Variants in EP400 observed in about 807,000 individuals in gnomAD.
The protein encoded by EP400 is E1A binding protein p400.
A neutral mutation model predicts 354.1 loss-of-function variants in EP400; 105 were observed. That is an observed-to-expected ratio of 0.30 (90% CI 0.25 to 0.35). EP400 has a LOEUF of 0.35. EP400 is among the 10% of genes least tolerant of loss of function. The pLI is 1.00. For missense variants in EP400, 3,280 were observed against 4,121.0 expected, an observed-to-expected ratio of 0.80 and a Z score of 5.59; for synonymous variants, 1,646 against 1,716.9, an observed-to-expected ratio of 0.96 and a Z score of 1.02.
chr12:132,050,575 G>T lies in EP400; in HGVS notation c.7338-24G>T. On this transcript the variant is annotated intron_variant, in intron 40 of 52. Transcript: ENST00000389561. This position sits in a 1 kb window ranked among gnomAD's most constrained non-coding sequence, Gnocchi z 4.8. Reference sequence around the variant, plus strand: ...CAGATATTTCCTTTATTTAATAATTGCTGTCTCACTGTCTATACTTCAGGC... The same window carrying T: ...CAGATATTTCCTTTATTTAATAATTTCTGTCTCACTGTCTATACTTCAGGC... The T allele has an allele frequency of 6.2e-7, 1 of 1,614,004 alleles. No individual in the cohort carries two copies. Among genetic ancestry groups the T allele is most frequent in the Non-Finnish European group, 8.5e-7 (1 of 1,179,914 alleles).
At chr12:131,957,450 T>A (rs190772472) in intron 1 of EP400, among the ~76,000 whole-genome samples, 31 of 151,592 alleles carry the variant, frequency 2.0e-4, no homozygotes, top group African/African-American at 7.5e-4. Flanking sequence ...CACTTTTGTG[T>A]TCGGTTTTTT....
At chr12:131,972,059 G>C (rs1208243331) in intron 2 of EP400, among the ~76,000 whole-genome samples, 1 of 152,064 alleles carries the variant, frequency 6.6e-6, no homozygotes, top group African/African-American at 2.4e-5. Flanking sequence ...GGTGACAGTG[G>C]ATGTCTAAGA....
Position 132,044,828 on chromosome 12 carries a change from A to T in EP400, c.6659A>T (p.Asp2220Val). 1 of 1,614,102 alleles carries T rather than the reference A, an allele frequency of 6.2e-7. No individual in the cohort carries two copies. Among genetic ancestry groups the T allele is most frequent in the Non-Finnish European group, 8.5e-7 (1 of 1,180,006 alleles). Residue 2220 changes from aspartate to valine, a missense_variant, in exon 37 of 53, where the codon GAC becomes GTC. Coordinates refer to ENST00000389561, the MANE Select transcript of EP400 (RefSeq NM_015409.5). Reference sequence around the variant, plus strand: ...TGGACCCCACCCACCCCGCCGCAGGACGACAGCGACATCTACCTCGACTCG... The same window carrying T: ...TGGACCCCACCCACCCCGCCGCAGGTCGACAGCGACATCTACCTCGACTCG... Reference protein sequence around the residue: ...PLWTPPTPPQDDSDIYLDSVM... With the variant: ...PLWTPPTPPQVDSDIYLDSVM...
intron 32 of EP400, among the ~76,000 whole-genome samples, chr12:132,039,492 G>A (rs2136569866): frequency 6.6e-6 from 1 of 152,212 alleles, no homozygotes; most frequent in Admixed American, 6.5e-5. Flanking sequence ...CCCAGCCCCA[G>A]AGCGTTTCTA....
At chr12:131,969,747 A>G (rs1892226508) in intron 2 of EP400, among the ~76,000 whole-genome samples, 1 of 152,170 alleles carries the variant, frequency 6.6e-6, no homozygotes, top group Admixed American at 6.5e-5. Context: ...AATGGGTTTT[A>G]TACAATTGAA....
chr12:132,064,449 A>G (rs1895819672), intron 47 of EP400, among the ~76,000 whole-genome samples: 1 of 152,226 alleles, frequency 6.6e-6, no homozygotes, highest in Admixed American at 6.5e-5. Context: ...ATCAGTCAGA[A>G]TCCGTGTTTG....
chr12:131,952,259 C>T (rs1416401395), intron 1 of EP400, among the ~76,000 whole-genome samples: 5 of 138,602 alleles, frequency 3.6e-5, no homozygotes, highest in East Asian at 2.2e-4. Context: ...GCGGAGATTG[C>T]GCCACTGCAC....
At chr12:132,063,609 T>A (rs1895780964) in intron 47 of EP400, among the ~76,000 whole-genome samples, 1 of 152,180 alleles carries the variant, frequency 6.6e-6, no homozygotes, top group South Asian at 2.1e-4. Context: ...GACAATATTT[T>A]GAAGTTTCAG....
intron 30 of EP400, among the ~76,000 whole-genome samples, chr12:132,032,410 A>G (rs1416032906): frequency 6.6e-6 from 1 of 152,114 alleles, no homozygotes; most frequent in East Asian, 1.9e-4. Flanking sequence ...TATACTCAAC[A>G]TTTGCTTGAA....
chr12:131,992,133 T>G (rs1295688407), intron 10 of EP400, 40 bp from the exon 11 acceptor site: 1 of 1,596,286 alleles, frequency 6.3e-7, no homozygotes, highest in Admixed American at 1.7e-5. Flanking sequence ...TTCTGAGTGT[T>G]TGGATCTCAT....
rs767816284 is a variant in EP400, at chr12:132,023,299, ATTTTTTTTTTT to A, written c.4691-460_4691-450del. Among the ~76,000 whole-genome samples the A allele has an allele frequency of 2.5e-3, 179 of 71,042 alleles. 2 individuals carry two copies. The highest frequency in any genetic ancestry group is 0.013 in the African/African-American group (161 of 12,038). The allele number at this position is 71,042 out of a possible 152,430, so 46.6% of individuals were successfully genotyped here. ...AGGCGCCCACCACCATGCCCAGCTA[ATTTTTTTTTTT>A]TTTTTTTTTTTTTTTTTGCATTTCT... On this transcript the variant is annotated intron_variant, in intron 23 of 52. Coordinates refer to ENST00000389561, the MANE Select transcript of EP400 (RefSeq NM_015409.5).
intron 2 of EP400, among the ~76,000 whole-genome samples, chr12:131,973,321 A>T (rs1892362174): frequency 6.6e-6 from 1 of 152,200 alleles, no homozygotes; most frequent in Admixed American, 6.5e-5. Context: ...GTTTAGCTAA[A>T]AGTGCTGCTA....
Position 132,069,488 on chromosome 12 carries a change from T to C in EP400, c.8875-7T>C. On this transcript the variant is annotated splice_region_variant and splice_polypyrimidine_tract_variant and intron_variant, in intron 50 of 52. Transcript: ENST00000389561. ...TCTGCGGCCCTAATTTCGCAGTCTC[T>C]CCCCAGATCACCGCACAGCAGATCA... The C allele has an allele frequency of 6.2e-7, 1 of 1,613,758 alleles. No individual in the cohort carries two copies. Among genetic ancestry groups the C allele is most frequent in the South Asian group, 1.1e-5 (1 of 91,050 alleles).
intron 12 of EP400, among the ~76,000 whole-genome samples, chr12:131,999,477 C>T (rs1212648441): frequency 6.6e-6 from 1 of 152,262 alleles, no homozygotes; most frequent in African/African-American, 2.4e-5. Flanking sequence ...CTTGCTCTGT[C>T]GCCCAGGCTG....
intron 12 of EP400, among the ~76,000 whole-genome samples, chr12:131,995,909 C>G (rs978894585): frequency 6.7e-6 from 1 of 148,176 alleles, no homozygotes; most frequent in Non-Finnish European, 1.5e-5. Context: ...ACCGTTCATC[C>G]TGAGTGTGTG....
Position 131,971,534 on chromosome 12 carries a change from T to C in EP400, c.1336-8160T>C, listed in dbSNP as rs186025987. On this transcript the variant is annotated intron_variant, in intron 2 of 52. Transcript: ENST00000389561. The stretch of plus-strand genomic sequence containing the variant: ...TGCTGGATCATATGTTCATTCTATT[T>C]TTAATTTTTTGAGGAACCTTCATAC... Among the ~76,000 whole-genome samples the C allele has an allele frequency of 2.7e-4, 41 of 152,330 alleles. No homozygotes were observed. In the East Asian group the frequency reaches 4.6e-3, roughly 17 times the overall value.
intron 3 of EP400, among the ~76,000 whole-genome samples, chr12:131,980,470 C>T (rs1297197822): frequency 6.6e-6 from 1 of 152,166 alleles, no homozygotes; most frequent in African/African-American, 2.4e-5. Flanking sequence ...TCTGTTAGTG[C>T]CACCTTGTGT....
intron 9 of EP400, among the ~76,000 whole-genome samples, chr12:131,991,081 C>G (rs1024012124): frequency 1.3e-5 from 2 of 152,180 alleles, no homozygotes; most frequent in Admixed American, 1.3e-4. Flanking sequence ...TCGTTATGTG[C>G]CACTCCACTT....
At position 132,069,536 on chromosome 12, in the gene EP400, G is replaced by C; in HGVS notation, c.8916G>C (p.Lys2972Asn). 1 of 1,614,230 alleles carries C rather than the reference G, an allele frequency of 6.2e-7. No homozygotes were observed. Among genetic ancestry groups the C allele is most frequent in the Non-Finnish European group, 8.5e-7 (1 of 1,180,018 alleles). The stretch of plus-strand genomic sequence containing the variant: ...TCACCACCCCTGGCGCGCAGCAGAA[G>C]GTTGCCTACGCCGCGCAGCCGGCCC... ...QQITTPGAQQKVAYAAQPALK... is the reference protein window; with the variant it reads ...QQITTPGAQQNVAYAAQPALK... Residue 2972 changes from lysine to asparagine, a missense_variant, in exon 51 of 53, where the codon AAG (lysine) becomes AAC (asparagine). Lys to Asn is a moderately conservative substitution (Grantham distance 94, BLOSUM62 0). Transcript: ENST00000389561.
Sources: gnomAD v4.1 joint callset for allele counts (sites outside exome capture counted in the v4.1 genomes callset) on GRCh38, gnomAD v4.1.1 for gene constraint, Gnocchi (gnomAD v3.1) non-coding constraint, MANE v1.5 for transcripts, NCBI Gene and HGNC (gene_info 2026-07-23, HGNC 2026-07-21) for gene names.